RSRC1: variants seen among roughly 807,000 people sequenced by gnomAD.
The protein encoded by RSRC1 is arginine and serine rich coiled-coil 1.
Under a neutral mutation model 49.1 loss-of-function variants are expected in RSRC1, and 39 were observed. That is an observed-to-expected ratio of 0.79 (90% CI 0.61 to 1.04). The LOEUF is 1.04. Among genes scored for constraint, RSRC1 ranks in the 50% least tolerant of loss-of-function variants. The probability of loss-of-function intolerance (pLI) is 0.00; values close to 1 mark genes in which losing one functional copy is unlikely to be tolerated. For synonymous variants in RSRC1, 143 were observed against 130.8 expected (o/e 1.09, Z -0.63); for missense variants, 388 against 402.4 (o/e 0.96, Z 0.31).
chr3:158,194,054 TACACACACAC>T (rs10530687), intron 3 of RSRC1, among the ~76,000 whole-genome samples: 5,079 of 144,126 alleles, frequency 0.035, 215 homozygotes, highest in African/African-American at 0.094. Context: ...ACCCCGTCTA[TACACACACAC>T]ACACACACAC....
At chr3:158,343,057 C>A (rs936561693) in intron 5 of RSRC1, among the ~76,000 whole-genome samples, 10 of 152,134 alleles carry the variant, frequency 6.6e-5, no homozygotes, top group Non-Finnish European at 1.3e-4. Context: ...ACAGGGTGCC[C>A]CTTGAGTATT....
intron 5 of RSRC1, among the ~76,000 whole-genome samples, chr3:158,300,351 GTTTATCCATCCA>G (rs1357391915): frequency 1.3e-5 from 2 of 152,146 alleles, no homozygotes; most frequent in Non-Finnish European, 2.9e-5. Flanking sequence ...CCATCTGTCT[GTTTATCCATCCA>G]TTCATCCATC....
rs199864354 is a variant in RSRC1 at position 158,479,257 on chromosome 3, TATA to T, written c.652+18258_652+18260del. On this transcript the variant is annotated intron_variant, in intron 7 of 9. Coordinates refer to ENST00000611884, the MANE Select transcript of RSRC1 (RefSeq NM_001271838.2). ...TTAAAATGTTTTTAAAATAATTAAA[TATA>T]ATATAAAATATAAATTAATAAAATA... Among the ~76,000 whole-genome samples the T allele has an allele frequency of 2.3e-3, 337 of 148,546 alleles. 2 individuals are homozygous for T. Among genetic ancestry groups the T allele is most frequent in the African/African-American group, 7.8e-3 (319 of 40,944 alleles).
intron 3 of RSRC1, among the ~76,000 whole-genome samples, chr3:158,134,729 A>G (rs146836255): frequency 5.1e-4 from 77 of 152,220 alleles, no homozygotes; most frequent in African/African-American, 1.7e-3. Flanking sequence ...TTTTGCTTTC[A>G]CTCTAAGAGT....
At chr3:158,171,949 C>T (rs1034554148) in intron 3 of RSRC1, among the ~76,000 whole-genome samples, 2 of 148,812 alleles carry the variant, frequency 1.3e-5, no homozygotes, top group Non-Finnish European at 2.9e-5. Context: ...AAGGCTGTGT[C>T]GCTTCAACAA....
At chr3:158,193,400 A>G (rs1720354378) in intron 3 of RSRC1, among the ~76,000 whole-genome samples, 1 of 152,096 alleles carries the variant, frequency 6.6e-6, no homozygotes, top group South Asian at 2.1e-4. Context: ...TGAGTAAGAA[A>G]TGAGCTTTTA....
At chr3:158,283,888 T>C (rs1726333308) in intron 4 of RSRC1, among the ~76,000 whole-genome samples, 1 of 151,936 alleles carries the variant, frequency 6.6e-6, no homozygotes, top group Non-Finnish European at 1.5e-5. Flanking sequence ...TTTCTTTTTT[T>C]TTTTTTACTA....
intron 6 of RSRC1, among the ~76,000 whole-genome samples, chr3:158,422,663 A>C (rs952477952): frequency 9.3e-5 from 14 of 151,008 alleles, no homozygotes; most frequent in Admixed American, 5.3e-4. Flanking sequence ...TGACTTCCAC[A>C]ATGGTTGAAC....
At chr3:158,228,786 T>C (rs1285518461) in intron 4 of RSRC1, among the ~76,000 whole-genome samples, 1 of 151,852 alleles carries the variant, frequency 6.6e-6, no homozygotes, top group Non-Finnish European at 1.5e-5. Context: ...TGTGTGTGTG[T>C]ATATATATGT....
intron 5 of RSRC1, among the ~76,000 whole-genome samples, chr3:158,306,206 C>T (rs979984174): frequency 6.6e-6 from 1 of 151,870 alleles, no homozygotes; most frequent in Admixed American, 6.6e-5. Flanking sequence ...TGCCATCAAT[C>T]TTGTCTTAAT....
chr3:158,500,326 C>A (rs991672678), intron 7 of RSRC1, among the ~76,000 whole-genome samples: 4 of 151,940 alleles, frequency 2.6e-5, no homozygotes, highest in Non-Finnish European at 4.4e-5. Context: ...CTGTAGTGTT[C>A]TTTTTTTGGT....
rs185159301 is a variant in RSRC1 at position 158,123,869 on chromosome 3, C to G, written c.198C>G (p.Arg66=). 6.2e-7 allele frequency: 1 copy of G among 1,604,122 alleles called. No homozygotes were observed. Among genetic ancestry groups the G allele is most frequent in the East Asian group, 2.2e-5 (1 of 44,744 alleles). ...QPRSHSYDRR[R]RHRSSSSSSY... is the part of the protein sequence containing the mutation. The stretch of plus-strand genomic sequence containing the variant: ...CTTTGATTATATTTTATTTCAGACG[C>G]AGGCATCGATCAAGCAGTAGCTCTT... Residue 66 remains arginine (R), a synonymous_variant, in exon 3 of 10, where the codon CGC becomes CGG. Transcript: ENST00000611884.
chr3:158,321,248 T>TTCC (rs1460672747), intron 5 of RSRC1, among the ~76,000 whole-genome samples: 1 of 148,402 alleles, frequency 6.7e-6, no homozygotes, highest in East Asian at 2.0e-4. Context: ...ATTCTCTCTC[T>TTCC]TCCTTCTTCT....
At chr3:158,355,622 A>G (rs1731113225) in intron 6 of RSRC1, among the ~76,000 whole-genome samples, 1 of 152,018 alleles carries the variant, frequency 6.6e-6, no homozygotes, top group Non-Finnish European at 1.5e-5. Flanking sequence ...TTTAGATACC[A>G]TGTTCACTTG....
At chr3:158,301,872 A>G (rs979762670) in intron 5 of RSRC1, among the ~76,000 whole-genome samples, 2 of 152,106 alleles carry the variant, frequency 1.3e-5, no homozygotes, top group African/African-American at 4.8e-5. Flanking sequence ...GTATTCTCAG[A>G]GAGATGTGTC....
At chr3:158,154,637 G>A (rs748338215) in intron 3 of RSRC1, among the ~76,000 whole-genome samples, 1 of 151,860 alleles carries the variant, frequency 6.6e-6, no homozygotes, top group Non-Finnish European at 1.5e-5. Flanking sequence ...GCTAATTTTT[G>A]TATTTTTAGT....
intron 3 of RSRC1, among the ~76,000 whole-genome samples, chr3:158,195,493 T>G (rs1198168333): frequency 6.6e-6 from 1 of 152,166 alleles, no homozygotes; most frequent in Non-Finnish European, 1.5e-5. Context: ...GCAGAAGCTC[T>G]TTAGTTTAAT....
chr3:158,414,483 A>G (rs934246154), intron 6 of RSRC1, among the ~76,000 whole-genome samples: 1 of 152,110 alleles, frequency 6.6e-6, no homozygotes, highest in East Asian at 1.9e-4. Flanking sequence ...TAGGTGCAGC[A>G]AACCCACTGT....
intron 6 of RSRC1, among the ~76,000 whole-genome samples, chr3:158,458,760 C>G (rs191776419): frequency 6.6e-6 from 1 of 152,078 alleles, no homozygotes; most frequent in South Asian, 2.1e-4. Flanking sequence ...CATGGCACAT[C>G]TAGTAAGATT....
Sources: allele counts gnomAD v4.1 joint callset (sites outside exome capture counted in the v4.1 genomes callset), GRCh38; gene constraint gnomAD v4.1.1; transcripts MANE v1.5; gene names NCBI Gene and HGNC (gene_info 2026-07-23, HGNC 2026-07-21).